FANCC: variants seen among roughly 807,000 people sequenced by gnomAD.
FANCC encodes the protein Fanconi anemia group C protein.
A neutral mutation model predicts 71.3 loss-of-function variants in FANCC; 55 were observed. That is an observed-to-expected ratio of 0.77 (90% CI 0.62 to 0.97). The LOEUF is 0.97. Ranked by LOEUF, FANCC falls within the 50% of genes least tolerant of loss-of-function variation. The probability of loss-of-function intolerance (pLI) is 0.00; values close to 1 mark genes in which losing one functional copy is unlikely to be tolerated. For synonymous variants in FANCC, 275 were observed against 244.9 expected, an observed-to-expected ratio of 1.12 and a Z score of -1.15; for missense variants, 678 against 670.9, an observed-to-expected ratio of 1.01 and a Z score of -0.12.
In FANCC at chr9:95,276,916, C is replaced by T. The variant is rs925987906; in HGVS notation, c.-78-27547G>A. Among the ~76,000 whole-genome samples the T allele has an allele frequency of 2.0e-5, 3 of 152,202 alleles. No individual in the cohort carries two copies. In the East Asian group the frequency reaches 5.8e-4, roughly 29 times the overall value. ...CTTTGCTCGCTTTTACTACTATTTTCGCAAGCTCTAGTACATTGAATTTGG... is the reference window on the plus strand; with the variant it reads ...CTTTGCTCGCTTTTACTACTATTTTTGCAAGCTCTAGTACATTGAATTTGG... On this transcript the variant is annotated intron_variant, in intron 1 of 14. Transcript: ENST00000289081.
intron 1 of FANCC, among the ~76,000 whole-genome samples, chr9:95,302,691 G>GAGCACAGCAACATTC (rs1188797733): frequency 6.6e-6 from 1 of 152,164 alleles, no homozygotes; most frequent in African/African-American, 2.4e-5. Context: ...TCTTCCGGGA[G>GAGCACAGCAACATTC]AGCACAGCAA....
At chr9:95,193,195 G>C (rs1245064910) in intron 4 of FANCC, among the ~76,000 whole-genome samples, 1 of 152,164 alleles carries the variant, frequency 6.6e-6, no homozygotes. Context: ...ATTAGAAATG[G>C]ATACGATTCA....
intron 4 of FANCC, among the ~76,000 whole-genome samples, chr9:95,231,471 G>C (rs922191854): frequency 1.4e-4 from 21 of 152,250 alleles, no homozygotes; most frequent in Non-Finnish European, 2.6e-4. Flanking sequence ...AGGACCCTGG[G>C]ATTCGAATGG....
intron 13 of FANCC, chr9:95,110,946 G>C (rs1238988705): frequency 7.3e-7 from 1 of 1,372,416 alleles, no homozygotes; most frequent in Non-Finnish European, 9.4e-7. Flanking sequence ...GAAGCAAAGT[G>C]GTTAATATCA....
chr9:95,291,967 A>AATATATATATATATATATAT (rs34066396), intron 1 of FANCC, among the ~76,000 whole-genome samples: 1 of 50,430 alleles, frequency 2.0e-5, no homozygotes, highest in Non-Finnish European at 3.4e-5. Flanking sequence ...AAAAAAAAAA[A>AATATATATATATATATATAT]ATATATATAT....
rs143431045 is a variant in FANCC at position 95,227,399 on chromosome 9, CCA to C, written c.345+13248_345+13249del. 3.0e-4 allele frequency among the ~76,000 whole-genome samples: 46 copies of C among 152,314 alleles called. No homozygotes were observed. In the East Asian group the frequency reaches 6.2e-3, roughly 20 times the overall value. On this transcript the variant is annotated intron_variant, in intron 4 of 14. Coordinates refer to ENST00000289081, the MANE Select transcript of FANCC (RefSeq NM_000136.3). ...ACTAAATCCAGAGGAGCCAACCAAA[CCA>C]CAGACACAAGCTACATTCTTGAATC...
chr9:95,189,911 G>A (rs1826981292), intron 4 of FANCC, among the ~76,000 whole-genome samples: 1 of 152,146 alleles, frequency 6.6e-6, no homozygotes, highest in Non-Finnish European at 1.5e-5. Context: ...GCGTTGGCTT[G>A]GATTTCTGAC....
chr9:95,195,196 C>CAAAAAAAAAA (rs34771312), intron 4 of FANCC, among the ~76,000 whole-genome samples: 1 of 42,616 alleles, frequency 2.3e-5, no homozygotes, highest in Non-Finnish European at 4.4e-5. Context: ...GACTCCGTCT[C>CAAAAAAAAAA]AAAAAAAAAA....
intron 1 of FANCC, among the ~76,000 whole-genome samples, chr9:95,250,364 C>T (rs1191406895): frequency 6.6e-6 from 1 of 152,130 alleles, no homozygotes; most frequent in Non-Finnish European, 1.5e-5. Context: ...AGGTAAAATG[C>T]TCCCAATTAA....
intron 6 of FANCC, among the ~76,000 whole-genome samples, chr9:95,166,984 G>A (rs1825338349): frequency 6.6e-6 from 1 of 152,056 alleles, no homozygotes; most frequent in South Asian, 2.1e-4. Context: ...TGTAAGGCAG[G>A]TCTAATGGTG....
chr9:95,209,455 AGGGGAGG>A, intron 4 of FANCC, among the ~76,000 whole-genome samples: 1 of 152,310 alleles, frequency 6.6e-6, no homozygotes, highest in Non-Finnish European at 1.5e-5. Flanking sequence ...TGTTGATAAC[AGGGGAGG>A]CTGTGCATGT....
chr9:95,277,712 TA>T (rs1029062123), intron 1 of FANCC, among the ~76,000 whole-genome samples: 5 of 152,082 alleles, frequency 3.3e-5, no homozygotes, highest in African/African-American at 1.2e-4. Flanking sequence ...CCAATAAGAT[TA>T]ACAGGTGACT....
intron 7 of FANCC, among the ~76,000 whole-genome samples, chr9:95,141,471 C>G (rs1046340668): frequency 4.6e-5 from 7 of 152,100 alleles, no homozygotes; most frequent in Admixed American, 4.6e-4. Flanking sequence ...TTTAAACACT[C>G]ACCTATATGA....
chr9:95,234,067 G>T (rs920249197), intron 4 of FANCC, among the ~76,000 whole-genome samples: 1 of 152,284 alleles, frequency 6.6e-6, no homozygotes, highest in South Asian at 2.1e-4. Flanking sequence ...TGGACACCTG[G>T]CTTCAAAAGA....
At chr9:95,295,037 A>G (rs1716969229) in intron 1 of FANCC, among the ~76,000 whole-genome samples, 1 of 152,238 alleles carries the variant, frequency 6.6e-6, no homozygotes, top group Admixed American at 6.5e-5. Flanking sequence ...AAATCAACAC[A>G]AAATGGGCTA....
At chr9:95,305,930 T>G (rs932962263) in intron 1 of FANCC, among the ~76,000 whole-genome samples, 3 of 152,224 alleles carry the variant, frequency 2.0e-5, no homozygotes, top group African/African-American at 7.2e-5. Flanking sequence ...AATGTCATCT[T>G]CAGTAAATTT....
intron 1 of FANCC, chr9:95,292,961 C>G: frequency 6.3e-7 from 1 of 1,579,686 alleles, no homozygotes; most frequent in Non-Finnish European, 8.7e-7. Flanking sequence ...AGTCTCACAT[C>G]TACCGAACTG....
intron 1 of FANCC, among the ~76,000 whole-genome samples, chr9:95,284,993 A>G (rs1413057891): frequency 6.6e-6 from 1 of 151,864 alleles, no homozygotes; most frequent in Non-Finnish European, 1.5e-5. Flanking sequence ...GAAAGCATAA[A>G]AAGGAAATAA....
intron 1 of FANCC, among the ~76,000 whole-genome samples, chr9:95,280,984 G>T (rs959453423): frequency 2.0e-5 from 3 of 152,004 alleles, no homozygotes; most frequent in African/African-American, 4.8e-5. Flanking sequence ...TCAAAGACAG[G>T]TTAATTGAAA....
Sources: gnomAD v4.1 joint callset for allele counts (sites outside exome capture counted in the v4.1 genomes callset) on GRCh38, gnomAD v4.1.1 for gene constraint, MANE v1.5 for transcripts, NCBI Gene and HGNC (gene_info 2026-07-23, HGNC 2026-07-21) for gene names.